Variants in CTNNA3 observed in about 807,000 individuals in gnomAD.
CTNNA3 encodes catenin alpha-3.
A neutral mutation model predicts 95.7 loss-of-function variants in CTNNA3; 76 were observed. That is an observed-to-expected ratio of 0.79 (90% CI 0.66 to 0.96). The LOEUF (loss-of-function observed/expected upper bound fraction) is 0.96. Among genes scored for constraint, CTNNA3 ranks in the 40% least tolerant of loss-of-function variants. The probability of loss-of-function intolerance (pLI) is 0.00; values close to 1 mark genes in which losing one functional copy is unlikely to be tolerated. For missense variants in CTNNA3, 1,191 were observed against 1,089.8 expected (o/e 1.09, Z -1.31); for synonymous variants, 431 against 374.4 (o/e 1.15, Z -1.74).
At chr10:65,955,894 T>C (rs1429428607) in intron 17 of CTNNA3, among the ~76,000 whole-genome samples, 1 of 152,226 alleles carries the variant, frequency 6.6e-6, no homozygotes, top group Non-Finnish European at 1.5e-5. Flanking sequence ...AGGATGATGC[T>C]GGCCTCATAA....
At chr10:66,064,622 C>A (rs2080276211) in intron 15 of CTNNA3, among the ~76,000 whole-genome samples, 1 of 152,116 alleles carries the variant, frequency 6.6e-6, no homozygotes. Context: ...TCTGGTTCCC[C>A]TTTTAAAGGT....
chr10:67,396,394 A>C (rs917937534), intron 5 of CTNNA3, among the ~76,000 whole-genome samples: 1 of 152,204 alleles, frequency 6.6e-6, no homozygotes, highest in Admixed American at 6.5e-5. Context: ...CAAAATTATC[A>C]TATTGGTAAA....
intron 2 of CTNNA3, among the ~76,000 whole-genome samples, chr10:67,607,402 A>G (rs1438874108): frequency 6.6e-6 from 1 of 152,208 alleles, no homozygotes; most frequent in Non-Finnish European, 1.5e-5. Flanking sequence ...ATAATTAAAT[A>G]AATCAACAAG....
intron 7 of CTNNA3, among the ~76,000 whole-genome samples, chr10:67,118,479 C>G (rs1380612389): frequency 6.6e-6 from 1 of 151,858 alleles, no homozygotes; most frequent in Non-Finnish European, 1.5e-5. Flanking sequence ...TTGAAGATCT[C>G]AAAGCTTTGG....
chr10:67,228,655 C>G (rs1015995953), intron 5 of CTNNA3, among the ~76,000 whole-genome samples: 3 of 151,918 alleles, frequency 2.0e-5, no homozygotes, highest in African/African-American at 7.3e-5. Flanking sequence ...ACAACTGATA[C>G]CACTGAAATA....
chr10:66,763,307 AACACAC>A (rs138081667), intron 9 of CTNNA3, among the ~76,000 whole-genome samples: 39 of 145,330 alleles, frequency 2.7e-4, no homozygotes, highest in Middle Eastern at 6.9e-3. Flanking sequence ...TCATGAGATA[AACACAC>A]ACACACACAC....
At chr10:67,703,032 C>G (rs1176459564) in intron 1 of CTNNA3, among the ~76,000 whole-genome samples, 1 of 151,972 alleles carries the variant, frequency 6.6e-6, no homozygotes. Context: ...CTAGAAGAAA[C>G]GGATAAATTC....
chr10:66,494,380 T>C (rs987725483), intron 11 of CTNNA3, among the ~76,000 whole-genome samples: 1 of 152,236 alleles, frequency 6.6e-6, no homozygotes, highest in Non-Finnish European at 1.5e-5. Context: ...TTCCAGGGTA[T>C]TAGACCCTGT....
intron 15 of CTNNA3, among the ~76,000 whole-genome samples, chr10:66,003,348 G>GTGT (rs533737369): frequency 6.6e-6 from 1 of 151,536 alleles, no homozygotes. Context: ...GTGTGTGTGT[G>GTGT]GAGAGAGAGA....
At chr10:67,449,638 A>G (rs1846892252) in intron 5 of CTNNA3, among the ~76,000 whole-genome samples, 1 of 152,296 alleles carries the variant, frequency 6.6e-6, no homozygotes, top group African/African-American at 2.4e-5. Context: ...CCCCTTCCTT[A>G]CACCATATAC....
At chr10:67,249,416 C>T (rs539540094) in intron 5 of CTNNA3, among the ~76,000 whole-genome samples, 123 of 152,266 alleles carry the variant, frequency 8.1e-4, no homozygotes, top group Middle Eastern at 6.8e-3. Flanking sequence ...TACATCACAT[C>T]CTATCATACG....
intron 11 of CTNNA3, among the ~76,000 whole-genome samples, chr10:66,477,224 T>C (rs1449974416): frequency 6.6e-6 from 1 of 152,146 alleles, no homozygotes; most frequent in East Asian, 1.9e-4. Context: ...TATTTGAATT[T>C]AGAACATTTC....
intron 5 of CTNNA3, among the ~76,000 whole-genome samples, chr10:67,479,896 C>A (rs987028841): frequency 6.6e-6 from 1 of 151,958 alleles, no homozygotes; most frequent in Non-Finnish European, 1.5e-5. Context: ...TCCAAAATGA[C>A]AAAGATGACA....
chr10:67,721,407 G>C (rs2133619597), intron 1 of CTNNA3, among the ~76,000 whole-genome samples: 1 of 151,128 alleles, frequency 6.6e-6, no homozygotes, highest in Non-Finnish European at 1.5e-5. Flanking sequence ...TCATTAAGTT[G>C]ATCTTCAATC....
At chr10:67,752,752 T>C (rs1242331204) in intron 1 of CTNNA3, among the ~76,000 whole-genome samples, 2 of 152,068 alleles carry the variant, frequency 1.3e-5, no homozygotes, top group East Asian at 3.9e-4. Flanking sequence ...TACTTAGGAA[T>C]ACAGCTAAAA....
intron 13 of CTNNA3, among the ~76,000 whole-genome samples, chr10:66,202,184 T>C (rs989651547): frequency 3.3e-5 from 5 of 152,198 alleles, no homozygotes; most frequent in African/African-American, 1.2e-4. Flanking sequence ...ATTTCAAACA[T>C]CCTACATTGC....
chr10:67,187,569 A>C, intron 6 of CTNNA3, among the ~76,000 whole-genome samples: 1 of 149,706 alleles, frequency 6.7e-6, no homozygotes, highest in African/African-American at 2.5e-5. Flanking sequence ...TCTCTCTCTT[A>C]TCTCCCCTTT....
At chr10:66,772,340 G>A (rs150598274) in intron 8 of CTNNA3, among the ~76,000 whole-genome samples, 118 of 151,340 alleles carry the variant, frequency 7.8e-4, no homozygotes, top group East Asian at 6.1e-3. Flanking sequence ...CAGGAGAATT[G>A]CCTGAACCTG....
chr10:66,444,015 T>G (rs186249210), intron 11 of CTNNA3, among the ~76,000 whole-genome samples: 1 of 151,952 alleles, frequency 6.6e-6, no homozygotes, highest in African/African-American at 2.4e-5. Context: ...GCTCAAGAAC[T>G]ACGTGAAGAA....
Sources: gnomAD v4.1 joint callset for allele counts (sites outside exome capture counted in the v4.1 genomes callset) on GRCh38, gnomAD v4.1.1 for gene constraint, MANE v1.5 for transcripts, NCBI Gene and HGNC (gene_info 2026-07-23, HGNC 2026-07-21) for gene names.